DHRS7B: variants seen among roughly 807,000 people sequenced by gnomAD.
The protein encoded by DHRS7B is dehydrogenase/reductase 7B, also known as peroxisomal reductase activating PPAR-gamma.
In DHRS7B, 24 loss-of-function variants were observed where a neutral mutation model predicts 26.4. That is an observed-to-expected ratio of 0.91 (90% CI 0.66 to 1.28). The LOEUF (loss-of-function observed/expected upper bound fraction) is 1.28, where lower values mean the gene tolerates loss of function less well. DHRS7B is among the 50% of genes most tolerant of loss of function. The probability of loss-of-function intolerance (pLI) is 0.00; values close to 1 mark genes in which losing one functional copy is unlikely to be tolerated. For synonymous variants in DHRS7B, 142 were observed against 166.4 expected (o/e 0.85, Z 1.13); for missense variants, 368 against 419.4 (o/e 0.88, Z 1.07).
At chr17:21,140,525 CACACACACACACA>C (rs1353548791) in intron 1 of DHRS7B, among the ~76,000 whole-genome samples, 15 of 150,828 alleles carry the variant, frequency 9.9e-5, no homozygotes, top group African/African-American at 2.7e-4. Flanking sequence ...CACACACACA[CACACACACACACA>C]CCCTGACACC....
At chr17:21,186,170 G>C (rs1974630257) in intron 5 of DHRS7B, among the ~76,000 whole-genome samples, 1 of 152,206 alleles carries the variant, frequency 6.6e-6, no homozygotes. Flanking sequence ...CAGATAAGTA[G>C]TGGCCTTCTC....
At chr17:21,164,030 C>CTTTTTGTTTTTTTTTTTTTTTTTTTTT (rs1974055506) in intron 1 of DHRS7B, among the ~76,000 whole-genome samples, 1 of 96,976 alleles carries the variant, frequency 1.0e-5, no homozygotes, top group Non-Finnish European at 1.9e-5. Context: ...AATTGTTGTG[C>CTTTTTGTTTTTTTTTTTTTTTTTTTTT]TTTTTTTTTT....
intron 1 of DHRS7B, among the ~76,000 whole-genome samples, chr17:21,130,856 T>A (rs1409676177): frequency 6.6e-6 from 1 of 152,188 alleles, no homozygotes; most frequent in Non-Finnish European, 1.5e-5. Flanking sequence ...AAAAATGAAC[T>A]CTCTATTCTG....
At position 21,183,703 on chromosome 17, in the gene DHRS7B, T is replaced by A; in HGVS notation, c.419T>A (p.Val140Asp). ...TGCTTTGGCTATGTCGACATACTTG[T>A]CAACAATGCTGGGATCAGCTACCGT... ...LQCFGYVDIL[V>D]NNAGISYRGT... Residue 140 changes from valine (V) to aspartate (D), a missense_variant, in exon 4 of 7, where the codon GTC becomes GAC. By Grantham distance (152) the Val-to-Asp change is radical. Transcript: ENST00000395511. 6.2e-7 allele frequency: 1 copy of A among 1,614,204 alleles called. No individual in the cohort carries two copies. Among genetic ancestry groups the A allele is most frequent in the Non-Finnish European group, 8.5e-7 (1 of 1,180,042 alleles).
At chr17:21,178,474 G>A in intron 3 of DHRS7B, 132 bp downstream of exon 3, 2 of 728,994 alleles carry the variant, frequency 2.7e-6, no homozygotes, top group Non-Finnish European at 4.6e-6. Flanking sequence ...AGGGAAGGCA[G>A]CAGGTCTCCA....
rs534919182 is a variant in DHRS7B, at chr17:21,167,779, C to T, written c.21-4239C>T. On this transcript the variant is annotated intron_variant, in intron 1 of 6. Transcript: ENST00000395511. Reference sequence around the variant, plus strand: ...CTTTTTATACCATCAATCTTGCCTTCTCAGTCCATGATCTGGCTATATATC... The same window carrying T: ...CTTTTTATACCATCAATCTTGCCTTTTCAGTCCATGATCTGGCTATATATC... Among the ~76,000 whole-genome samples, 3 of 152,300 alleles carry T rather than the reference C, an allele frequency of 2.0e-5. No homozygotes were observed. The East Asian group carries it at 5.8e-4, about 29-fold the overall frequency.
intron 1 of DHRS7B, among the ~76,000 whole-genome samples, chr17:21,162,896 A>G (rs1316479144): frequency 2.0e-5 from 3 of 152,168 alleles, no homozygotes; most frequent in African/African-American, 7.2e-5. Context: ...GCTTGGTACC[A>G]TTTAAAATAC....
At chr17:21,152,393 A>G (rs539482189) in intron 1 of DHRS7B, among the ~76,000 whole-genome samples, 5 of 152,122 alleles carry the variant, frequency 3.3e-5, no homozygotes, top group Non-Finnish European at 5.9e-5. Context: ...GGACTCAAGC[A>G]ATATGCCTGC....
chr17:21,177,440 TC>T (rs1974406653), intron 2 of DHRS7B, among the ~76,000 whole-genome samples: 1 of 152,196 alleles, frequency 6.6e-6, no homozygotes, highest in African/African-American at 2.4e-5. Flanking sequence ...CTTTGGACTG[TC>T]CCTGCTGTGG....
intron 1 of DHRS7B, chr17:21,128,420 G>C (rs1973148689): frequency 6.6e-6 from 1 of 152,316 alleles, no homozygotes; most frequent in Admixed American, 6.5e-5. Flanking sequence ...AAAATTGGCT[G>C]GGCGCGGTGG....
chr17:21,130,949 A>G (rs1973216970), intron 1 of DHRS7B, among the ~76,000 whole-genome samples: 1 of 152,192 alleles, frequency 6.6e-6, no homozygotes, highest in African/African-American at 2.4e-5. Context: ...CCACCCAGAT[A>G]GGAAATACAA....
At chr17:21,158,415 G>T (rs1207147682) in intron 1 of DHRS7B, among the ~76,000 whole-genome samples, 2 of 152,204 alleles carry the variant, frequency 1.3e-5, no homozygotes, top group Non-Finnish European at 2.9e-5. Flanking sequence ...AAGCAAAGTT[G>T]CAGGATACAA....
In DHRS7B at chr17:21,137,295, C is replaced by CTTT. The variant is rs1194614460; in HGVS notation, c.20+10321_20+10323dup. On this transcript the variant is annotated intron_variant, in intron 1 of 6. Coordinates refer to ENST00000395511, the MANE Select transcript of DHRS7B (RefSeq NM_015510.5). ...GGGCCTGCCCATTTTTCTTTTTTGT[C>CTTT]TTTTTTTTTTTTTTTTTTTGAGACA... 9.2e-5 allele frequency among the ~76,000 whole-genome samples: 10 copies of CTTT among 108,220 alleles called. 1 individual carries two copies. Among genetic ancestry groups the CTTT allele is most frequent in the African/African-American group, 2.8e-4 (8 of 28,278 alleles). 71.0% of individuals were successfully genotyped at this position (108,220 alleles called of 152,430 possible).
intron 1 of DHRS7B, among the ~76,000 whole-genome samples, chr17:21,129,354 G>C (rs1368310383): frequency 4.6e-5 from 7 of 152,056 alleles, no homozygotes; most frequent in Non-Finnish European, 8.8e-5. Context: ...CTAACAGGAG[G>C]AGGGAAGGGC....
chr17:21,168,459 C>T (rs1974162200), intron 1 of DHRS7B, among the ~76,000 whole-genome samples: 1 of 152,126 alleles, frequency 6.6e-6, no homozygotes, highest in South Asian at 2.1e-4. Flanking sequence ...GCCTCAACTT[C>T]CTAGGCTCAA....
intron 3 of DHRS7B, among the ~76,000 whole-genome samples, chr17:21,179,203 T>G (rs1974458152): frequency 6.6e-6 from 1 of 152,202 alleles, no homozygotes; most frequent in Admixed American, 6.5e-5. Flanking sequence ...TCCTCCTACC[T>G]GAGCCTCCTT....
intron 1 of DHRS7B, among the ~76,000 whole-genome samples, chr17:21,159,473 T>C (rs576940561): frequency 7.9e-5 from 12 of 151,556 alleles, no homozygotes; most frequent in African/African-American, 2.9e-4. Flanking sequence ...GTCAGGATGG[T>C]CTCAAGCTCC....
chr17:21,134,920 A>G (rs1317488045), intron 1 of DHRS7B, among the ~76,000 whole-genome samples: 1 of 152,190 alleles, frequency 6.6e-6, no homozygotes, highest in Non-Finnish European at 1.5e-5. Flanking sequence ...ACTCATGAAC[A>G]TTTTAGCTCT....
At chr17:21,171,766 C>T (rs770020791) in intron 1 of DHRS7B, 67 of 607,548 alleles carry the variant, frequency 1.1e-4, no homozygotes, top group Non-Finnish European at 1.8e-4. Context: ...TGGCAATCTC[C>T]GCTTGTTCCC....
Sources: gnomAD v4.1 joint callset for allele counts (sites outside exome capture counted in the v4.1 genomes callset) on GRCh38, gnomAD v4.1.1 for gene constraint, MANE v1.5 for transcripts, NCBI Gene and HGNC (gene_info 2026-07-23, HGNC 2026-07-21) for gene names.